The following HMCN1 variants were observed in gnomAD, a reference collection of about 807,000 sequenced individuals.
HMCN1 encodes hemicentin-1.
HMCN1 carries 321 observed loss-of-function variants against 625.9 expected under a neutral mutation model. That is an observed-to-expected ratio of 0.51 (90% confidence interval 0.47 to 0.56). The LOEUF (loss-of-function observed/expected upper bound fraction) is 0.56, where lower values mean the gene tolerates loss of function less well. Ranked by LOEUF, HMCN1 falls within the 20% of genes least tolerant of loss-of-function variation. The pLI, the probability that HMCN1 is intolerant of heterozygous loss-of-function variation, is 0.00. For synonymous variants in HMCN1, 2,425 were observed against 2,417.6 expected, an observed-to-expected ratio of 1.00 and a Z score of -0.09; for missense variants, 6,588 against 6,887.3, an observed-to-expected ratio of 0.96 and a Z score of 1.54.
At chr1:186,156,842 T>C (rs1191891799) in intron 97 of HMCN1, among the ~76,000 whole-genome samples, 1 of 152,198 alleles carries the variant, frequency 6.6e-6, no homozygotes, top group Non-Finnish European at 1.5e-5. Context: ...CAAATATTTG[T>C]TGAGTGCCTA....
At chr1:186,178,288 C>T (rs1652722195) in intron 103 of HMCN1, 128 bp from the exon 104 acceptor site, 3 of 709,966 alleles carry the variant, frequency 4.2e-6, no homozygotes, top group Admixed American at 2.3e-5. Context: ...GGAGAAATTA[C>T]TGTATGCCTG....
Position 185,953,035 on chromosome 1 carries a change from G to A in HMCN1, c.1829-9483G>A, listed in dbSNP as rs533468102. 2.1e-3 allele frequency among the ~76,000 whole-genome samples: 325 copies of A among 151,514 alleles called. 7 individuals carry two copies. The highest frequency in any genetic ancestry group is 7.7e-3 in the African/African-American group (315 of 41,032). ...GGGATTGGGGGGTTTTTGCCCCCTA[G>A]AAAAGCGGGACTTGCCACTAAGGGT... On this transcript the variant is annotated intron_variant, in intron 11 of 106. Coordinates refer to ENST00000271588, the MANE Select transcript of HMCN1 (RefSeq NM_031935.3).
Position 185,894,050 on chromosome 1 carries a change from G to A in HMCN1, c.622-15287G>A, listed in dbSNP as rs368695981. Among the ~76,000 whole-genome samples, 38 of 149,268 alleles carry A rather than the reference G, an allele frequency of 2.5e-4. No homozygotes were observed. In the East Asian group the frequency reaches 7.0e-3, roughly 27 times the overall value. On this transcript the variant is annotated intron_variant, in intron 4 of 106. Coordinates refer to ENST00000271588, the MANE Select transcript of HMCN1 (RefSeq NM_031935.3). Reference sequence around the variant, plus strand: ...CTCTGGAGGCTGAGGCAGGAGAATGGCGTGAACCCGGGAGGCAGAGCTTGC... The same window carrying A: ...CTCTGGAGGCTGAGGCAGGAGAATGACGTGAACCCGGGAGGCAGAGCTTGC...
At chr1:185,932,620 C>A (rs776175448) in intron 10 of HMCN1, among the ~76,000 whole-genome samples, 5 of 151,904 alleles carry the variant, frequency 3.3e-5, no homozygotes, top group Non-Finnish European at 5.9e-5. Context: ...AACACAGGAA[C>A]AGAAAACCAA....
At chr1:185,957,025 C>T (rs765318305) in intron 11 of HMCN1, 3 of 152,160 alleles carry the variant, frequency 2.0e-5, no homozygotes, top group South Asian at 4.1e-4. Flanking sequence ...GCTGAATAAA[C>T]CTCAGTGTAA....
At chr1:185,786,394 A>G (rs1242342145) in intron 1 of HMCN1, among the ~76,000 whole-genome samples, 1 of 152,088 alleles carries the variant, frequency 6.6e-6, no homozygotes, top group Non-Finnish European at 1.5e-5. Context: ...CTTTGCAGGG[A>G]GCTCATTATT....
chr1:186,055,458 A>T lies in HMCN1; in HGVS notation c.6928A>T (p.Ile2310Phe). ...TEIIVTRGKSISLECEVQGIP... is the reference protein window; with the variant it reads ...TEIIVTRGKSFSLECEVQGIP... ...AATTATTGTGACCCGAGGGAAGAGT[A>T]TCTCCTTGGAGTGTGAGGTGCAGGG... The change falls in exon 45 of 107, where the codon ATC becomes TTC. Residue 2310 changes from isoleucine to phenylalanine, a missense_variant. Physicochemically the swap from Ile to Phe is conservative, Grantham distance 21. This residue lies in a region of HMCN1 where 4,628 missense variants were observed against 4,853.1 expected (regional missense o/e 0.95). Coordinates refer to ENST00000271588, the MANE Select transcript of HMCN1 (RefSeq NM_031935.3). The T allele has an allele frequency of 3.1e-6, 5 of 1,612,678 alleles. No homozygotes were observed. The highest frequency in any genetic ancestry group is 1.3e-5 in the African/African-American group (1 of 74,932).
At chr1:185,749,532 C>T (rs1571301027) in intron 1 of HMCN1, among the ~76,000 whole-genome samples, 1 of 152,194 alleles carries the variant, frequency 6.6e-6, no homozygotes, top group East Asian at 1.9e-4. Context: ...CCAGCGTTCC[C>T]CATCTCAGTA....
chr1:186,019,717 C>T, intron 35 of HMCN1, 22 bp downstream of exon 35: 1 of 1,596,012 alleles, frequency 6.3e-7, no homozygotes, highest in South Asian at 1.1e-5. Context: ...TATTACTCAG[C>T]CTAAACTGGG....
chr1:185,988,671 G>T (rs897690325), intron 20 of HMCN1, among the ~76,000 whole-genome samples: 6 of 152,192 alleles, frequency 3.9e-5, no homozygotes, highest in African/African-American at 1.4e-4. Flanking sequence ...CTGTGGCCAA[G>T]CACAGAGTAG....
intron 16 of HMCN1, among the ~76,000 whole-genome samples, chr1:185,978,582 A>G (rs1651393424): frequency 6.6e-6 from 1 of 152,210 alleles, no homozygotes; most frequent in African/African-American, 2.4e-5. Context: ...AAAAGCATTT[A>G]GATAATTAAT....
At chr1:185,840,678 G>A (rs988960653) in intron 1 of HMCN1, among the ~76,000 whole-genome samples, 11 of 151,974 alleles carry the variant, frequency 7.2e-5, no homozygotes, top group Non-Finnish European at 1.3e-4. Context: ...ACTTTCCATA[G>A]CTTGCTGTTT....
chr1:186,100,837 A>G (rs1220462781), intron 68 of HMCN1, among the ~76,000 whole-genome samples: 4 of 152,126 alleles, frequency 2.6e-5, no homozygotes, highest in Non-Finnish European at 5.9e-5. Context: ...CCTTTACAAC[A>G]TGGTTGTTTG....
At chr1:186,079,244 T>A (rs1278140721) in intron 55 of HMCN1, among the ~76,000 whole-genome samples, 1 of 152,194 alleles carries the variant, frequency 6.6e-6, no homozygotes, top group Non-Finnish European at 1.5e-5. Flanking sequence ...TGCATAGCTC[T>A]ATGGCTGGCC....
intron 1 of HMCN1, among the ~76,000 whole-genome samples, chr1:185,781,241 T>C (rs1657073751): frequency 1.3e-5 from 2 of 152,192 alleles, no homozygotes; most frequent in African/African-American, 2.4e-5. Context: ...TTCTCTCTTT[T>C]CTTCTTTATT....
chr1:186,125,514 A>T, intron 81 of HMCN1, 90 bp from the exon 82 acceptor site: 1 of 995,512 alleles, frequency 1.0e-6, no homozygotes, highest in Non-Finnish European at 1.6e-6. Context: ...AATTACCCTG[A>T]AAAGAGTTTT....
chr1:185,777,308 A>G (rs905971442), intron 1 of HMCN1, among the ~76,000 whole-genome samples: 1 of 152,200 alleles, frequency 6.6e-6, no homozygotes, highest in Non-Finnish European at 1.5e-5. Flanking sequence ...ATAAGGTATC[A>G]TTCAATACAT....
chr1:186,078,172 G>C lies in HMCN1; in HGVS notation c.8551G>C (p.Val2851Leu). Residue 2851 changes from valine (V) to leucine (L), a missense_variant, in exon 55 of 107, where the codon GTG (valine) becomes CTG (leucine). Around this residue, in one of 3 missense-constraint regions of HMCN1, gnomAD observed 4,628 missense variants for 4,853.1 expected, o/e 0.95. Transcript: ENST00000271588. ...TGCTGGGAGATACACATGTGTGGCT[G>C]TGAATGAGGCTGGAGAAGATTCCCT... ...EDAGRYTCVAVNEAGEDSLQY... is the reference protein window; with the variant it reads ...EDAGRYTCVALNEAGEDSLQY... 1 of 1,613,806 alleles carries C rather than the reference G, an allele frequency of 6.2e-7. No homozygotes were observed. The highest frequency in any genetic ancestry group is 8.5e-7 in the Non-Finnish European group (1 of 1,179,830).
intron 11 of HMCN1, among the ~76,000 whole-genome samples, chr1:185,947,755 T>C (rs982356565): frequency 2.0e-5 from 3 of 152,224 alleles, no homozygotes; most frequent in African/African-American, 4.8e-5. Context: ...AGGAACTCTT[T>C]AGAGCCATGT....
Sources: allele counts gnomAD v4.1 joint callset (sites outside exome capture counted in the v4.1 genomes callset), GRCh38; gene constraint gnomAD v4.1.1; regional missense constraint gnomAD v4.1.1; transcripts MANE v1.5; gene names NCBI Gene and HGNC (gene_info 2026-07-23, HGNC 2026-07-21).